Variants in KLHL1 observed in about 807,000 individuals in gnomAD.
KLHL1 encodes kelch like family member 1, also known as kelch-like protein 1.
KLHL1 carries 47 observed loss-of-function variants against 77.7 expected under a neutral mutation model. The observed-to-expected ratio is 0.60, with a 90% CI of 0.48 to 0.77. The LOEUF is 0.77. Among genes scored for constraint, KLHL1 ranks in the 30% least tolerant of loss-of-function variants. KLHL1 has a pLI of 0.00. For synonymous variants in KLHL1, 360 were observed against 325.2 expected, an observed-to-expected ratio of 1.11 and a Z score of -1.15; for missense variants, 925 against 910.8, an observed-to-expected ratio of 1.02 and a Z score of -0.20.
chr13:69,922,634 G>T (rs1882681257), intron 4 of KLHL1, among the ~76,000 whole-genome samples: 1 of 151,996 alleles, frequency 6.6e-6, no homozygotes, highest in Non-Finnish European at 1.5e-5. Context: ...ATTTAATTCA[G>T]CTCCTGTGTA....
chr13:70,103,729 G>C (rs892173986), intron 1 of KLHL1, among the ~76,000 whole-genome samples: 7 of 152,180 alleles, frequency 4.6e-5, no homozygotes, highest in Non-Finnish European at 8.8e-5. Flanking sequence ...ATTCTGGCTT[G>C]CACAAACTAA....
At chr13:70,000,815 TA>T (rs1180648184) in intron 1 of KLHL1, among the ~76,000 whole-genome samples, 2 of 150,916 alleles carry the variant, frequency 1.3e-5, no homozygotes, top group Non-Finnish European at 3.0e-5. Flanking sequence ...TATGTTTATT[TA>T]AAAAAGAAAA....
chr13:70,072,031 C>A (rs1314240395), intron 1 of KLHL1, among the ~76,000 whole-genome samples: 2 of 151,922 alleles, frequency 1.3e-5, no homozygotes, highest in Non-Finnish European at 2.9e-5. Flanking sequence ...CAAAAGCTAG[C>A]TTGAAGATTT....
chr13:69,972,126 A>C (rs1373929335), intron 2 of KLHL1, among the ~76,000 whole-genome samples: 1 of 151,958 alleles, frequency 6.6e-6, no homozygotes. Context: ...TATGTAAATA[A>C]ATTTTCCATC....
intron 4 of KLHL1, among the ~76,000 whole-genome samples, chr13:69,903,695 G>A (rs981283176): frequency 3.3e-5 from 4 of 121,410 alleles, no homozygotes; most frequent in African/African-American, 1.2e-4. Flanking sequence ...AGGCTGGAGT[G>A]CAGTAGTGGA....
chr13:69,756,322 GTT>G (rs1874734962), intron 7 of KLHL1, among the ~76,000 whole-genome samples: 1 of 152,124 alleles, frequency 6.6e-6, no homozygotes, highest in Admixed American at 6.6e-5. Flanking sequence ...AATGGAATGA[GTT>G]TGAAGACTTC....
At chr13:70,033,660 T>A (rs1886172448) in intron 1 of KLHL1, among the ~76,000 whole-genome samples, 1 of 133,242 alleles carries the variant, frequency 7.5e-6, no homozygotes, top group South Asian at 2.6e-4. Context: ...TGCTCTGTTG[T>A]TCAGGCTGGC....
At chr13:70,105,718 A>G (rs2137460185) in intron 1 of KLHL1, among the ~76,000 whole-genome samples, 1 of 151,322 alleles carries the variant, frequency 6.6e-6, no homozygotes, top group African/African-American at 2.4e-5. Context: ...ATAAAATTAT[A>G]GGTAACTAGC....
At position 70,107,306 on chromosome 13, in the gene KLHL1, C is replaced by T. The variant is rs1443767162; in HGVS notation, c.394G>A (p.Gly132Ser). Residue 132 changes from glycine to serine, a missense_variant, in exon 1 of 11, where the codon GGC (glycine) becomes AGC (serine). Coordinates refer to ENST00000377844, the MANE Select transcript of KLHL1 (RefSeq NM_020866.3). ...TCGTGTGGTCCAGGAAAGTCCATGC[C>T]TGGCACCACCTCCTCCTCTAGTGAC... ...VESLEEEVVP[G>S]MDFPGPHEKG... The T allele has an allele frequency of 6.2e-7, 1 of 1,614,154 alleles. No individual in the cohort carries two copies.
At chr13:69,841,885 C>A (rs768901881) in intron 5 of KLHL1, among the ~76,000 whole-genome samples, 1 of 151,662 alleles carries the variant, frequency 6.6e-6, no homozygotes, top group African/African-American at 2.4e-5. Context: ...AATAAAGCCA[C>A]GTATTTACTG....
chr13:69,926,427 C>A (rs2138273254), intron 4 of KLHL1, among the ~76,000 whole-genome samples: 1 of 152,208 alleles, frequency 6.6e-6, no homozygotes, highest in East Asian at 1.9e-4. Flanking sequence ...CAACAAAGCA[C>A]CTGAGTATCT....
chr13:70,001,831 C>G (rs1885300344), intron 1 of KLHL1, among the ~76,000 whole-genome samples: 1 of 151,532 alleles, frequency 6.6e-6, no homozygotes, highest in Admixed American at 6.6e-5. Context: ...ATTTACTTGA[C>G]TAACATTTTC....
chr13:69,779,375 C>T (rs1876012792), intron 7 of KLHL1, among the ~76,000 whole-genome samples: 2 of 148,996 alleles, frequency 1.3e-5, no homozygotes, highest in South Asian at 2.2e-4. Context: ...TTCCTCCCCT[C>T]CCCTCTCCTC....
At chr13:70,032,732 A>G (rs541002587) in intron 1 of KLHL1, among the ~76,000 whole-genome samples, 1 of 152,314 alleles carries the variant, frequency 6.6e-6, no homozygotes, top group African/African-American at 2.4e-5. Context: ...AAACACATCA[A>G]ATGTATGCAT....
chr13:70,028,805 C>T (rs1886019137), intron 1 of KLHL1, among the ~76,000 whole-genome samples: 1 of 151,932 alleles, frequency 6.6e-6, no homozygotes, highest in African/African-American at 2.4e-5. Context: ...GGCGAAACTT[C>T]ATCTCTACAG....
chr13:70,094,579 A>G (rs1189285585), intron 1 of KLHL1, among the ~76,000 whole-genome samples: 1 of 152,218 alleles, frequency 6.6e-6, no homozygotes, highest in Middle Eastern at 3.4e-3. Flanking sequence ...TACTTAGAAG[A>G]GCACAGAATT....
At chr13:70,012,937 T>C (rs1476448243) in intron 1 of KLHL1, among the ~76,000 whole-genome samples, 1 of 151,916 alleles carries the variant, frequency 6.6e-6, no homozygotes, top group African/African-American at 2.4e-5. Flanking sequence ...TATCAAACTC[T>C]ATAATATACT....
chr13:70,096,679 A>T, intron 1 of KLHL1, among the ~76,000 whole-genome samples: 1 of 150,830 alleles, frequency 6.6e-6, no homozygotes, highest in East Asian at 2.0e-4. Context: ...GCAATTTTTG[A>T]CTTTTCAAAA....
intron 4 of KLHL1, 40 bp downstream of exon 4, chr13:69,940,000 C>T: frequency 1.4e-6 from 2 of 1,454,776 alleles, no homozygotes; most frequent in Non-Finnish European, 1.9e-6. Context: ...TCTGATAACA[C>T]AGAGTGTGTC....
Sources: gnomAD v4.1 joint callset for allele counts (sites outside exome capture counted in the v4.1 genomes callset) on GRCh38, gnomAD v4.1.1 for gene constraint, MANE v1.5 for transcripts, NCBI Gene and HGNC (gene_info 2026-07-23, HGNC 2026-07-21) for gene names.